The following RBSN variants were observed in gnomAD, a reference collection of about 807,000 sequenced individuals.
RBSN encodes the protein rabenosyn, RAB effector.
RBSN carries 34 observed loss-of-function variants against 60.5 expected under a neutral mutation model. That is an observed-to-expected ratio of 0.56 (90% CI 0.43 to 0.75). RBSN has a LOEUF of 0.75. RBSN is among the 30% of genes least tolerant of loss of function. The pLI is 0.00. For synonymous variants in RBSN, 322 were observed against 366.9 expected (o/e 0.88, Z 1.40); for missense variants, 845 against 986.8 (o/e 0.86, Z 1.92).
intron 4 of RBSN, among the ~76,000 whole-genome samples, chr3:15,095,083 C>T (rs994978261): frequency 2.4e-4 from 36 of 152,010 alleles, no homozygotes; most frequent in African/African-American, 7.7e-4. Context: ...GCATGATCAT[C>T]GCTCACTACA....
At chr3:15,076,912 C>G (rs977575377) in intron 12 of RBSN, 150 bp downstream of exon 12, 2 of 613,706 alleles carry the variant, frequency 3.3e-6, no homozygotes, top group Non-Finnish European at 5.6e-6. Context: ...AGATTTTTCT[C>G]TAAGTGTGGC....
chr3:15,085,068 A>C lies in RBSN; in HGVS notation c.391-23T>G, dbSNP rs748339874. Reference sequence around the variant, plus strand: ...GAGCTGACCGGAAGAAAATAGTGCCAAATGAAATTAACCAGGTGATGTATA... The same window carrying C: ...GAGCTGACCGGAAGAAAATAGTGCCCAATGAAATTAACCAGGTGATGTATA... On this transcript the variant is annotated intron_variant, in intron 6 of 13. Coordinates refer to ENST00000253699, the MANE Select transcript of RBSN (RefSeq NM_022340.4). The C allele has an allele frequency of 4.3e-6, 7 of 1,613,878 alleles. No homozygotes were observed. In the African/African-American group the frequency reaches 8.0e-5, roughly 18 times the overall value.
intron 5 of RBSN, among the ~76,000 whole-genome samples, chr3:15,087,177 A>G (rs1391450896): frequency 1.3e-5 from 2 of 152,190 alleles, no homozygotes; most frequent in African/African-American, 4.8e-5. Context: ...GTGACAATAC[A>G]AAGTCTACTC....
rs2043715478 is a variant in RBSN at position 15,098,128 on chromosome 3, C to G, written c.-354G>C. The G allele has an allele frequency of 6.6e-6, 1 of 152,340 alleles. No individual in the cohort carries two copies. The highest frequency in any genetic ancestry group is 1.5e-5 in the Non-Finnish European group (1 of 68,080). The allele number at this position is 152,340 out of a possible 1,614,324, so 9.4% of individuals were successfully genotyped here. On this transcript the variant is annotated 5_prime_UTR_variant, in exon 2 of 14. Transcript: ENST00000253699. ...AAGAAATGCCTCTTACTCAGAGCATCAGAATGGACTTCTCCTTCACAGCAC... is the reference window on the plus strand; with the variant it reads ...AAGAAATGCCTCTTACTCAGAGCATGAGAATGGACTTCTCCTTCACAGCAC...
At position 15,082,700 on chromosome 3, in the gene RBSN, T is replaced by TCACC. The variant is rs2043236678; in HGVS notation, c.599-93_599-92insGGTG. ...AAGGTGTCAGTCCACAGGTGTTTGA[T>TCACC]TTGGAGAGTAATAAGATCAGGCTCC... On this transcript the variant is annotated intron_variant, in intron 8 of 13. Coordinates refer to ENST00000253699, the MANE Select transcript of RBSN (RefSeq NM_022340.4). The surrounding 1 kb of genome is among the most constrained non-coding windows in gnomAD (Gnocchi z 4.2). The TCACC allele has an allele frequency of 2.0e-6, 3 of 1,508,020 alleles. No homozygotes were observed. Among genetic ancestry groups the TCACC allele is most frequent in the Non-Finnish European group, 2.7e-6 (3 of 1,119,176 alleles). The allele number at this position is 1,508,020 out of a possible 1,614,324, so 93.4% of individuals were successfully genotyped here.
At chr3:15,091,435 G>T in intron 4 of RBSN, 1 of 1,279,654 alleles carries the variant, frequency 7.8e-7, no homozygotes, top group Non-Finnish European at 1.0e-6. Context: ...TACTGCCCAC[G>T]CACTTATTGA....
intron 6 of RBSN, among the ~76,000 whole-genome samples, chr3:15,085,325 G>T (rs1469305206): frequency 6.6e-6 from 1 of 152,116 alleles, no homozygotes; most frequent in Admixed American, 6.6e-5. Flanking sequence ...TAAGGGCAAC[G>T]ACTGAAAGCA....
At position 15,084,586 on chromosome 3, in the gene RBSN, T is replaced by G; in HGVS notation, c.598+149A>C. On this transcript the variant is annotated intron_variant, in intron 8 of 13. Transcript: ENST00000253699. This position sits in a 1 kb window ranked among gnomAD's most constrained non-coding sequence, Gnocchi z 4.2. ...CCCTAGCATAGTACCTAGTCTGTAGTGGGTTTCACAGAAACAGCAACTCAA... is the reference window on the plus strand; with the variant it reads ...CCCTAGCATAGTACCTAGTCTGTAGGGGGTTTCACAGAAACAGCAACTCAA... 2 of 1,089,206 alleles carry G rather than the reference T, an allele frequency of 1.8e-6. No individual in the cohort carries two copies. Among genetic ancestry groups the G allele is most frequent in the Non-Finnish European group, 2.6e-6 (2 of 764,284 alleles). The allele number at this position is 1,089,206 out of a possible 1,614,324, so 67.5% of individuals were successfully genotyped here.
chr3:15,091,210 C>CAAAAAAAAAAAAAAAAAAAAAAAAAAAA (rs55655564), intron 4 of RBSN: 2 of 112,764 alleles, frequency 1.8e-5, no homozygotes, highest in Non-Finnish European at 1.2e-5. Context: ...GACCCTGTCT[C>CAAAAAAAAAAAAAAAAAAAAAAAAAAAA]AAAAAAAAAA....
Position 15,096,289 on chromosome 3 carries a change from C to T in RBSN, c.-168-1G>A. Reference sequence around the variant, plus strand: ...TTTCCTCTCTGGAGTAGGAGGAGCCCTAAGAAAGAAAAGAAGAAGGGAAAA... The same window carrying T: ...TTTCCTCTCTGGAGTAGGAGGAGCCTTAAGAAAGAAAAGAAGAAGGGAAAA... On this transcript the variant is annotated splice_acceptor_variant, in intron 3 of 13. Transcript: ENST00000253699. LOFTEE classifies it low-confidence loss of function (5UTR_SPLICE). 1.6e-6 allele frequency: 1 copy of T among 614,268 alleles called. No homozygotes were observed. 38.1% of individuals were successfully genotyped at this position (614,268 alleles called of 1,614,324 possible).
chr3:15,096,980 C>T (rs891115253), intron 2 of RBSN, among the ~76,000 whole-genome samples: 7 of 152,174 alleles, frequency 4.6e-5, no homozygotes, highest in African/African-American at 1.7e-4. Flanking sequence ...CTGCCTCAGC[C>T]TCCTAAGAAG....
Position 15,084,778 on chromosome 3 carries a change from A to T in RBSN, c.555T>A (p.Ile185=), listed in dbSNP as rs755691634. Residue 185 remains isoleucine, a synonymous_variant, in exon 8 of 14, where the codon ATT becomes ATA. Transcript: ENST00000253699. The surrounding 1 kb of genome is among the most constrained non-coding windows in gnomAD (Gnocchi z 4.2). ...RRHHCRLCGS[I]MCKKCMELIS... ...TGAGCTCCATACACTTCTTGCACAT[A>T]ATAGACCCGCAGAGGCGGCAGTGGT... 135 of 1,613,910 alleles carry T rather than the reference A, an allele frequency of 8.4e-5. 1 individual carries two copies. Among genetic ancestry groups the T allele is most frequent in the Admixed American group, 3.7e-4 (22 of 59,976 alleles).
At chr3:15,094,976 AACT>A (rs1233856824) in intron 4 of RBSN, among the ~76,000 whole-genome samples, 1 of 152,168 alleles carries the variant, frequency 6.6e-6, no homozygotes, top group Non-Finnish European at 1.5e-5. Flanking sequence ...TTAGCTGAAT[AACT>A]ACAAAATAAG....
Position 15,085,979 on chromosome 3 carries a change from A to G in RBSN, c.290-18T>C, listed in dbSNP as rs543282733. 1.5e-4 allele frequency: 240 copies of G among 1,589,364 alleles called. 8 individuals are homozygous for G. The South Asian group carries it at 2.5e-3, about 17-fold the overall frequency. On this transcript the variant is annotated intron_variant, in intron 5 of 13. Coordinates refer to ENST00000253699, the MANE Select transcript of RBSN (RefSeq NM_022340.4). ...CACAGCACCTAGAGGGAAGGAAGGT[A>G]GGGAGACAAATGACTTATAGTTTCT... is the stretch of plus-strand genomic sequence containing the variant.
chr3:15,082,751 G>T lies in RBSN; in HGVS notation c.599-143C>A. 2.4e-6 allele frequency: 3 copies of T among 1,224,810 alleles called. No homozygotes were observed. The highest frequency in any genetic ancestry group is 3.4e-6 in the Non-Finnish European group (3 of 892,484). The allele number at this position is 1,224,810 out of a possible 1,614,324, so 75.9% of individuals were successfully genotyped here. ...AGCTGTGGGCACGTACTGCCCCTCTGCCTTCCTGGTGTCAGACTCTGGTGA... is the reference window on the plus strand; with the variant it reads ...AGCTGTGGGCACGTACTGCCCCTCTTCCTTCCTGGTGTCAGACTCTGGTGA... On this transcript the variant is annotated intron_variant, in intron 8 of 13. Transcript: ENST00000253699. This position sits in a 1 kb window ranked among gnomAD's most constrained non-coding sequence, Gnocchi z 4.2.
Position 15,073,916 on chromosome 3 carries a change from G to C in RBSN, c.2221C>G (p.Gln741Glu), listed in dbSNP as rs1302177234. The C allele has an allele frequency of 6.2e-7, 1 of 1,614,120 alleles. No individual in the cohort carries two copies. Among genetic ancestry groups the C allele is most frequent in the South Asian group, 1.1e-5 (1 of 91,070 alleles). Residue 741 changes from glutamine to glutamate, a missense_variant, in exon 14 of 14, where the codon CAG (glutamine) becomes GAG (glutamate). Transcript: ENST00000253699. Reference protein sequence around the residue: ...EEPIEEELLLQQIDNIKAYIF... With the variant: ...EEPIEEELLLEQIDNIKAYIF... ...TATGCCTTGATGTTATCGATCTGCT[G>C]CAGGAGGAGCTCTTCCTCTATGGGC... is the stretch of plus-strand genomic sequence containing the variant.
chr3:15,095,823 C>T (rs993914278), intron 4 of RBSN, 150 bp downstream of exon 4: 3 of 998,364 alleles, frequency 3.0e-6, no homozygotes, highest in East Asian at 5.0e-5. Context: ...CAGGGAAACT[C>T]TGAAAACGCC....
Position 15,072,525 on chromosome 3 carries a change from A to T in RBSN, c.*1257T>A, listed in dbSNP as rs528425001. 6.6e-6 allele frequency: 1 copy of T among 152,332 alleles called. No homozygotes were observed. Among genetic ancestry groups the T allele is most frequent in the Non-Finnish European group, 1.5e-5 (1 of 68,024 alleles). 9.4% of individuals were successfully genotyped at this position (152,332 alleles called of 1,614,324 possible). On this transcript the variant is annotated 3_prime_UTR_variant, in exon 14 of 14. Coordinates refer to ENST00000253699, the MANE Select transcript of RBSN (RefSeq NM_022340.4). ...CTGGGAAGCTTCCCTTCTTCTGGTG[A>T]TGTTCTGCAAAAGCTTCCAAATCAC...
At chr3:15,079,234 T>G (rs369393365) in intron 10 of RBSN, among the ~76,000 whole-genome samples, 6 of 152,232 alleles carry the variant, frequency 3.9e-5, no homozygotes, top group Non-Finnish European at 7.3e-5. Flanking sequence ...TGGGCATGGC[T>G]GTGTTCCAAT....
Sources: allele counts gnomAD v4.1 joint callset (sites outside exome capture counted in the v4.1 genomes callset), GRCh38; gene constraint gnomAD v4.1.1; non-coding constraint Gnocchi (gnomAD v3.1); transcripts MANE v1.5; gene names NCBI Gene and HGNC (gene_info 2026-07-23, HGNC 2026-07-21).